RPAP2: variants seen among roughly 807,000 people sequenced by gnomAD.
RPAP2 encodes the protein RNA polymerase II associated protein 2.
Under a neutral mutation model 73.1 loss-of-function variants are expected in RPAP2, and 52 were observed. The observed-to-expected ratio is 0.71, with a 90% CI of 0.57 to 0.90. RPAP2 has a LOEUF of 0.90. Among genes scored for constraint, RPAP2 ranks in the 40% least tolerant of loss-of-function variants. RPAP2 has a pLI of 0.00. For synonymous variants in RPAP2, 225 were observed against 242.1 expected (o/e 0.93, Z 0.65); for missense variants, 598 against 701.8 (o/e 0.85, Z 1.67).
rs59364892 is a variant in RPAP2 at position 92,374,102 on chromosome 1, T to A, written c.1689-6622T>A. Among the ~76,000 whole-genome samples, 411 of 152,276 alleles carry A rather than the reference T, an allele frequency of 2.7e-3. 1 individual carries two copies. Among genetic ancestry groups the A allele is most frequent in the African/African-American group, 8.9e-3 (369 of 41,552 alleles). On this transcript the variant is annotated intron_variant, in intron 11 of 12. Transcript: ENST00000610020. Reference sequence around the variant, plus strand: ...TGGTTATGGCTGTATTTGAAATAAATGGGAAGCCCAATTTGGCCTGTGGAC... The same window carrying A: ...TGGTTATGGCTGTATTTGAAATAAAAGGGAAGCCCAATTTGGCCTGTGGAC...
At chr1:92,335,680 C>T (rs1158848074) in intron 9 of RPAP2, among the ~76,000 whole-genome samples, 2 of 152,138 alleles carry the variant, frequency 1.3e-5, no homozygotes, top group East Asian at 3.9e-4. Context: ...CACTTCACAT[C>T]TATCATGAAT....
At chr1:92,375,991 C>T in intron 11 of RPAP2, among the ~76,000 whole-genome samples, 1 of 141,382 alleles carries the variant, frequency 7.1e-6, no homozygotes. Context: ...CAGAGTGAGA[C>T]TCTGTCTCAA....
At chr1:92,317,839 T>C (rs958940208) in intron 6 of RPAP2, among the ~76,000 whole-genome samples, 2 of 152,344 alleles carry the variant, frequency 1.3e-5, no homozygotes, top group African/African-American at 4.8e-5. Flanking sequence ...TGCATAAAGC[T>C]GTCTTAAATT....
rs1044952676 is a variant in RPAP2, at chr1:92,397,233, A to C, written c.*10222A>C. The C allele has an allele frequency of 7.9e-5, 12 of 151,864 alleles. No homozygotes were observed. The highest frequency in any genetic ancestry group is 2.9e-4 in the African/African-American group (12 of 41,338). The allele number at this position is 151,864 out of a possible 1,614,324, so 9.4% of individuals were successfully genotyped here. On this transcript the variant is annotated 3_prime_UTR_variant, in exon 13 of 13. Transcript: ENST00000610020. ...GCAAAACCCTGTCTCCACCAAAAAT[A>C]AAAAAAATTAGCCAGGCATGGCGGT...
At chr1:92,311,058 CTGA>C (rs972277971) in intron 6 of RPAP2, among the ~76,000 whole-genome samples, 3 of 152,160 alleles carry the variant, frequency 2.0e-5, no homozygotes, top group Non-Finnish European at 4.4e-5. Context: ...TGAAATGCCT[CTGA>C]TATTTTCTAC....
chr1:92,367,539 A>C (rs1264694459), intron 11 of RPAP2, among the ~76,000 whole-genome samples: 1 of 152,226 alleles, frequency 6.6e-6, no homozygotes, highest in Non-Finnish European at 1.5e-5. Context: ...GTGTTTAAAA[A>C]AATTTTCTTT....
intron 11 of RPAP2, among the ~76,000 whole-genome samples, chr1:92,371,319 A>AATATATATAT (rs1553155688): frequency 3.2e-5 from 2 of 61,726 alleles, no homozygotes; most frequent in African/African-American, 1.4e-4. Flanking sequence ...AAAAAAAAAA[A>AATATATATAT]ATATATATAT....
intron 8 of RPAP2, among the ~76,000 whole-genome samples, chr1:92,331,352 A>G (rs1417681679): frequency 6.6e-6 from 1 of 152,168 alleles, no homozygotes; most frequent in Non-Finnish European, 1.5e-5. Context: ...ATTGGTATAC[A>G]GTATTTGGGT....
At chr1:92,337,095 C>A (rs1653321807) in intron 10 of RPAP2, among the ~76,000 whole-genome samples, 2 of 152,032 alleles carry the variant, frequency 1.3e-5, no homozygotes. Flanking sequence ...CAGCCAAATG[C>A]CAGTGACCAA....
At chr1:92,323,075 TTA>T (rs374769115) in intron 7 of RPAP2, among the ~76,000 whole-genome samples, 43 of 144,808 alleles carry the variant, frequency 3.0e-4, no homozygotes, top group African/African-American at 4.0e-4. Context: ...ATATATATAT[TTA>T]TATATATATA....
chr1:92,356,704 G>T (rs935036309), intron 11 of RPAP2, among the ~76,000 whole-genome samples: 2 of 151,128 alleles, frequency 1.3e-5, no homozygotes, highest in African/African-American at 4.9e-5. Flanking sequence ...CGAAGTGCTG[G>T]GATTACAGGC....
At chr1:92,369,715 G>T (rs912806646) in intron 11 of RPAP2, among the ~76,000 whole-genome samples, 1 of 152,042 alleles carries the variant, frequency 6.6e-6, no homozygotes, top group South Asian at 2.1e-4. Flanking sequence ...AATTAAACAG[G>T]TAAGTAATTA....
chr1:92,368,841 T>C (rs1039608314), intron 11 of RPAP2, among the ~76,000 whole-genome samples: 1 of 152,230 alleles, frequency 6.6e-6, no homozygotes, highest in Non-Finnish European at 1.5e-5. Context: ...ATCAATAAGA[T>C]GCAGTTTGAC....
At position 92,387,014 on chromosome 1, in the gene RPAP2, T is replaced by C. The variant is rs368532800; in HGVS notation, c.*3T>C. 14 of 1,589,702 alleles carry C rather than the reference T, an allele frequency of 8.8e-6. No homozygotes were observed. The East Asian group carries it at 9.0e-5, about 10-fold the overall frequency. ...AGTATCCTTTTTTGCTTCACAGATA[T>C]ATTCCATGAAGACAAAATAGAAGAT... On this transcript the variant is annotated 3_prime_UTR_variant, in exon 13 of 13. Coordinates refer to ENST00000610020, the MANE Select transcript of RPAP2 (RefSeq NM_024813.3).
chr1:92,333,583 T>TGAAAAATAAA, intron 9 of RPAP2, 110 bp downstream of exon 9: 1 of 768,660 alleles, frequency 1.3e-6, no homozygotes, highest in Non-Finnish European at 2.1e-6. Flanking sequence ...TGAAAAATAA[T>TGAAAAATAAA]GTGAAAAGTT....
At chr1:92,386,876 G>T (rs538682444) in intron 12 of RPAP2, 135 bp from the exon 13 acceptor site, 27 of 579,382 alleles carry the variant, frequency 4.7e-5, no homozygotes, top group Middle Eastern at 5.1e-4. Flanking sequence ...AACTTTTTGG[G>T]TTTTTTTGTA....
chr1:92,300,212 C>T lies in RPAP2; in HGVS notation c.92C>T (p.Thr31Ile), dbSNP rs746031061. The T allele has an allele frequency of 6.2e-7, 1 of 1,610,252 alleles. No homozygotes were observed. Among genetic ancestry groups the T allele is most frequent in the Non-Finnish European group, 8.5e-7 (1 of 1,177,000 alleles). ...RKAAGTKQTS[T>I]LKQEDASKRK... Reference sequence around the variant, plus strand: ...ATTGTAGGTACTAAACAGACAAGTACTTTGAAACAAGAAGATGCTTCTAAA... The same window carrying T: ...ATTGTAGGTACTAAACAGACAAGTATTTTGAAACAAGAAGATGCTTCTAAA... Residue 31 changes from threonine (T) to isoleucine (I), a missense_variant, in exon 2 of 13, where the codon ACT (threonine) becomes ATT (isoleucine). Physicochemically the swap from Thr to Ile is moderately conservative, Grantham distance 89 (BLOSUM62 -1). Around this residue, in one of 3 missense-constraint regions of RPAP2, gnomAD observed 77 missense variants for 55.7 expected, o/e 1.38. Transcript: ENST00000610020.
Position 92,323,692 on chromosome 1 carries a change from T to C in RPAP2, c.772T>C (p.Ser258Pro), listed in dbSNP as rs753723002. 3.7e-6 allele frequency: 6 copies of C among 1,613,748 alleles called. No homozygotes were observed. Among genetic ancestry groups the C allele is most frequent in the Non-Finnish European group, 5.1e-6 (6 of 1,179,954 alleles). The change falls in exon 8 of 13, where the codon TCC becomes CCC. Residue 258 changes from serine (S) to proline (P), a missense_variant. This residue lies in a region of RPAP2 where 506 missense variants were observed against 612.8 expected (regional missense o/e 0.83). Coordinates refer to ENST00000610020, the MANE Select transcript of RPAP2 (RefSeq NM_024813.3). The part of the protein sequence containing the change: ...MKKKAGHKAN[S>P]KHKDKEQTVV... ...AAAGAAAGCTGGTCACAAAGCTAACTCCAAACACAAAGACAAAGAACAGAC... is the reference window on the plus strand; with the variant it reads ...AAAGAAAGCTGGTCACAAAGCTAACCCCAAACACAAAGACAAAGAACAGAC...
chr1:92,378,321 C>G (rs754776207), intron 11 of RPAP2, among the ~76,000 whole-genome samples: 1 of 152,162 alleles, frequency 6.6e-6, no homozygotes, highest in Non-Finnish European at 1.5e-5. Flanking sequence ...TCTCCTACCT[C>G]AGCCTCCTGA....
Sources: allele counts gnomAD v4.1 joint callset (sites outside exome capture counted in the v4.1 genomes callset), GRCh38; gene constraint gnomAD v4.1.1; regional missense constraint gnomAD v4.1.1; transcripts MANE v1.5; gene names NCBI Gene and HGNC (gene_info 2026-07-23, HGNC 2026-07-21).